The following BAZ2B variants were observed in gnomAD, a reference collection of about 807,000 sequenced individuals.
The protein encoded by BAZ2B is bromodomain adjacent to zinc finger domain protein 2B.
In BAZ2B, 91 loss-of-function variants were observed where a neutral mutation model predicts 246.0. The ratio of observed to expected loss-of-function variants is 0.37; its 90% confidence interval spans 0.31 to 0.44. The LOEUF (loss-of-function observed/expected upper bound fraction) is 0.44, where lower values mean the gene tolerates loss of function less well. BAZ2B is among the 20% of genes least tolerant of loss of function. The probability of loss-of-function intolerance (pLI) is 1.00; values close to 1 mark genes in which losing one functional copy is unlikely to be tolerated. For synonymous variants in BAZ2B, 855 were observed against 860.0 expected (o/e 0.99, Z 0.10); for missense variants, 2,332 against 2,533.7 (o/e 0.92, Z 1.71).
chr2:159,562,773 C>T (rs2090000939), intron 1 of BAZ2B, among the ~76,000 whole-genome samples: 1 of 152,120 alleles, frequency 6.6e-6, no homozygotes, highest in African/African-American at 2.4e-5. Context: ...AGCACATTGC[C>T]TGATTATAGA....
chr2:159,561,567 G>A (rs1395674431), intron 1 of BAZ2B, among the ~76,000 whole-genome samples: 2 of 152,150 alleles, frequency 1.3e-5, no homozygotes, highest in Admixed American at 1.3e-4. Context: ...TAATATGGCT[G>A]GTGTTACTAA....
intron 2 of BAZ2B, among the ~76,000 whole-genome samples, chr2:159,479,563 AC>A (rs1173191675): frequency 3.3e-5 from 5 of 152,336 alleles, no homozygotes; most frequent in African/African-American, 9.6e-5. Flanking sequence ...ATGATCAGCC[AC>A]ATGAAAACTC....
At chr2:159,492,771 T>C (rs1248278654) in intron 2 of BAZ2B, among the ~76,000 whole-genome samples, 2 of 152,208 alleles carry the variant, frequency 1.3e-5, no homozygotes, top group Non-Finnish European at 2.9e-5. Context: ...AAGAAAATAA[T>C]TGATTAAAAA....
intron 31 of BAZ2B, among the ~76,000 whole-genome samples, chr2:159,343,023 A>T (rs2067025114): frequency 6.6e-6 from 1 of 152,242 alleles, no homozygotes; most frequent in South Asian, 2.1e-4. Flanking sequence ...AATAAACTAC[A>T]AAGCTGTAGT....
At chr2:159,539,775 A>C (rs1404515214) in intron 2 of BAZ2B, among the ~76,000 whole-genome samples, 1 of 152,190 alleles carries the variant, frequency 6.6e-6, no homozygotes, top group Non-Finnish European at 1.5e-5. Context: ...CATTAGAAAG[A>C]AGCTTAAACT....
intron 1 of BAZ2B, among the ~76,000 whole-genome samples, chr2:159,574,941 G>A (rs1327921409): frequency 6.6e-6 from 1 of 151,594 alleles, no homozygotes; most frequent in Non-Finnish European, 1.5e-5. Flanking sequence ...CTGCATTCCA[G>A]CCTGGGTAAC....
chr2:159,429,918 T>C (rs1167378864), intron 10 of BAZ2B, among the ~76,000 whole-genome samples: 2 of 152,212 alleles, frequency 1.3e-5, no homozygotes, highest in Non-Finnish European at 2.9e-5. Flanking sequence ...TTTTACTATA[T>C]ACATCTATAT....
rs72947590 is a variant in BAZ2B, at chr2:159,478,804, T to C, written c.-2-83A>G. 236,146 of 1,009,660 alleles carry C rather than the reference T, an allele frequency of 0.23. 31,521 individuals carry two copies. Among genetic ancestry groups the C allele is most frequent in the Non-Finnish European group, 0.27 (200,048 of 750,934 alleles). 62.5% of individuals were successfully genotyped at this position (1,009,660 alleles called of 1,614,324 possible). A position where few individuals can be genotyped will look rare whatever the true frequency, so the allele number is the denominator to read the frequency against. Reference sequence around the variant, plus strand: ...TTCAACATAAACTTTTTGTATACTTTTAAAAATATAAAATAAATTTCTAAA... The same window carrying C: ...TTCAACATAAACTTTTTGTATACTTCTAAAAATATAAAATAAATTTCTAAA... On this transcript the variant is annotated intron_variant, in intron 2 of 36. Transcript: ENST00000392783.
In BAZ2B at chr2:159,439,129, A is replaced by G; in HGVS notation, c.780T>C (p.Ile260=). Residue 260 remains isoleucine (I), a synonymous_variant, in exon 7 of 37, where the codon ATT becomes ATC. Transcript: ENST00000392783. ...GTSSDTSSEG[I]SSSDSDDLEE... ...CTAGATCATCTGAATCACTGCTACT[A>G]ATGCCTTCACTTGAGGTGTCTGATG... 1 of 1,613,950 alleles carries G rather than the reference A, an allele frequency of 6.2e-7. No individual in the cohort carries two copies. The highest frequency in any genetic ancestry group is 8.5e-7 in the Non-Finnish European group (1 of 1,179,926).
At chr2:159,466,704 C>T (rs866608435) in intron 3 of BAZ2B, among the ~76,000 whole-genome samples, 3 of 152,066 alleles carry the variant, frequency 2.0e-5, no homozygotes, top group Admixed American at 2.0e-4. Flanking sequence ...CCCAGGAAAG[C>T]TGGTGGTATA....
the BAZ2B span, among the ~76,000 whole-genome samples, chr2:159,672,245 A>C: frequency 6.6e-6 from 1 of 152,238 alleles, no homozygotes; most frequent in African/African-American, 2.4e-5. Flanking sequence ...ACACATTTCA[A>C]AAATGTTGAA....
chr2:159,397,667 C>T (rs542434672), intron 18 of BAZ2B, among the ~76,000 whole-genome samples: 15 of 152,208 alleles, frequency 9.9e-5, no homozygotes, highest in African/African-American at 3.4e-4. Flanking sequence ...GAATGACTGA[C>T]CTAACTGCAC....
At chr2:159,704,211 A>G in the BAZ2B span, among the ~76,000 whole-genome samples, 1 of 152,246 alleles carries the variant, frequency 6.6e-6, no homozygotes. Context: ...ATATGTATAT[A>G]GCTTTTAAAG....
intron 1 of BAZ2B, among the ~76,000 whole-genome samples, chr2:159,607,419 A>G (rs1253824145): frequency 2.6e-5 from 4 of 152,178 alleles, no homozygotes; most frequent in African/African-American, 9.7e-5. Context: ...GGTTAATCTC[A>G]AAACAGAAGA....
chr2:159,642,754 T>C, the BAZ2B span, among the ~76,000 whole-genome samples: 1 of 152,258 alleles, frequency 6.6e-6, no homozygotes. Flanking sequence ...AAGAGTAGGA[T>C]GAACAGTGCT....
At chr2:159,359,227 AAAAG>A (rs1385031988) in intron 27 of BAZ2B, among the ~76,000 whole-genome samples, 7 of 152,190 alleles carry the variant, frequency 4.6e-5, no homozygotes, top group African/African-American at 1.7e-4. Flanking sequence ...AATAAAGGAG[AAAAG>A]AGAGAAGAAT....
At chr2:159,521,429 T>C (rs1261594972) in intron 2 of BAZ2B, among the ~76,000 whole-genome samples, 1 of 152,028 alleles carries the variant, frequency 6.6e-6, no homozygotes, top group African/African-American at 2.4e-5. Flanking sequence ...TGCAACATAA[T>C]AGATACACAC....
chr2:159,445,417 A>T (rs1207338142), intron 6 of BAZ2B, among the ~76,000 whole-genome samples: 1 of 152,194 alleles, frequency 6.6e-6, no homozygotes, highest in Non-Finnish European at 1.5e-5. Context: ...ACCTTTGAAA[A>T]GGGACTTTTT....
At chr2:159,571,754 G>T (rs1470527973) in intron 1 of BAZ2B, among the ~76,000 whole-genome samples, 1 of 152,168 alleles carries the variant, frequency 6.6e-6, no homozygotes, top group Non-Finnish European at 1.5e-5. Flanking sequence ...CTGGCATCTT[G>T]TGACGGCCTC....
Sources: gnomAD v4.1 joint callset for allele counts (sites outside exome capture counted in the v4.1 genomes callset) on GRCh38, gnomAD v4.1.1 for gene constraint, MANE v1.5 for transcripts, NCBI Gene and HGNC (gene_info 2026-07-23, HGNC 2026-07-21) for gene names.